SRPK2: variants seen among roughly 807,000 people sequenced by gnomAD.
The protein encoded by SRPK2 is SRSF protein kinase 2.
In SRPK2, 21 loss-of-function variants were observed where a neutral mutation model predicts 90.8. The observed-to-expected ratio is 0.23, with a 90% CI of 0.16 to 0.33. SRPK2 has a LOEUF of 0.33. SRPK2 is among the 10% of genes least tolerant of loss of function. SRPK2 has a pLI of 1.00. For missense variants in SRPK2, 620 were observed against 869.0 expected (o/e 0.71, Z 3.60); for synonymous variants, 288 against 311.1 (o/e 0.93, Z 0.78).
At chr7:105,149,180 G>GA (rs1386552246) in intron 7 of SRPK2, among the ~76,000 whole-genome samples, 1 of 152,184 alleles carries the variant, frequency 6.6e-6, no homozygotes, top group African/African-American at 2.4e-5. Context: ...CCTGGGAACT[G>GA]AATGTCTCGG....
chr7:105,243,366 G>A (rs1047909969), intron 2 of SRPK2, among the ~76,000 whole-genome samples: 3 of 152,280 alleles, frequency 2.0e-5, no homozygotes, highest in African/African-American at 7.2e-5. Flanking sequence ...AGGAGCCTGA[G>A]ATAGGATCAA....
intron 7 of SRPK2, among the ~76,000 whole-genome samples, chr7:105,156,957 C>T (rs1031540299): frequency 2.0e-5 from 3 of 152,242 alleles, no homozygotes; most frequent in African/African-American, 7.2e-5. Flanking sequence ...AGGCCAAGAA[C>T]ATAAAGCTTC....
intron 3 of SRPK2, 47 bp from the exon 4 acceptor site, chr7:105,169,312 T>C (rs1423823277): frequency 1.4e-6 from 2 of 1,410,478 alleles, no homozygotes; most frequent in Admixed American, 1.7e-5. Context: ...ATTCGAAAAG[T>C]AGTAATAAAC....
chr7:105,270,723 T>G (rs1805725574), intron 2 of SRPK2, among the ~76,000 whole-genome samples: 2 of 152,088 alleles, frequency 1.3e-5, no homozygotes, highest in Non-Finnish European at 2.9e-5. Context: ...CTGCCATTTT[T>G]AATAGCTGTA....
chr7:105,276,609 T>C (rs1806529481), intron 2 of SRPK2, among the ~76,000 whole-genome samples: 1 of 150,768 alleles, frequency 6.6e-6, no homozygotes, highest in South Asian at 2.1e-4. Flanking sequence ...CATGGTGACA[T>C]GCACGTGTGG....
At chr7:105,159,464 A>AAAAAAAAAACAC (rs1807174541) in intron 7 of SRPK2, among the ~76,000 whole-genome samples, 12 of 141,580 alleles carry the variant, frequency 8.5e-5, no homozygotes, top group African/African-American at 3.2e-4. Flanking sequence ...AAAAAAAAAA[A>AAAAAAAAAACAC]AAAAAAAAAC....
intron 2 of SRPK2, among the ~76,000 whole-genome samples, chr7:105,264,945 C>T (rs775129443): frequency 4.6e-5 from 7 of 152,154 alleles, no homozygotes; most frequent in Non-Finnish European, 7.3e-5. Flanking sequence ...ACTTTCTTTA[C>T]TGATTAAGAA....
intron 7 of SRPK2, among the ~76,000 whole-genome samples, chr7:105,151,892 T>C (rs2283016): frequency 0.82 from 124,606 of 151,776 alleles, 51,845 homozygotes; most frequent in Non-Finnish European, 0.88. Flanking sequence ...GGCATGGTGG[T>C]GCATGCCTGT....
At chr7:105,330,532 C>A (rs1397786837) in intron 2 of SRPK2, among the ~76,000 whole-genome samples, 3 of 152,096 alleles carry the variant, frequency 2.0e-5, no homozygotes, top group African/African-American at 4.8e-5. Flanking sequence ...CGCCTTAATA[C>A]TGACATGACT....
At chr7:105,183,003 C>T (rs1420082050) in intron 3 of SRPK2, among the ~76,000 whole-genome samples, 1 of 152,126 alleles carries the variant, frequency 6.6e-6, no homozygotes, top group Non-Finnish European at 1.5e-5. Context: ...AAAGACTGAG[C>T]TGTGATAGTA....
intron 3 of SRPK2, among the ~76,000 whole-genome samples, chr7:105,192,049 GCT>G (rs1491588037): frequency 1.0e-4 from 2 of 19,348 alleles, no homozygotes; most frequent in Non-Finnish European, 1.2e-4. Flanking sequence ...TTCTGCTTCT[GCT>G]TTTTTTTTTT....
At chr7:105,390,622 T>TTTG (rs1822148832), upstream of SRPK2, among the ~76,000 whole-genome samples, 1 of 149,140 alleles carries the variant, frequency 6.7e-6, no homozygotes, top group South Asian at 2.1e-4. Context: ...TTTTTTTTTT[T>TTTG]TTTTTTTTTT....
intron 3 of SRPK2, among the ~76,000 whole-genome samples, chr7:105,175,286 AAAG>A (rs1235575502): frequency 6.6e-6 from 1 of 152,214 alleles, no homozygotes. Context: ...CCCATGGGAT[AAAG>A]AAGAAATCAA....
intron 3 of SRPK2, among the ~76,000 whole-genome samples, chr7:105,199,300 A>AT (rs113112551): frequency 2.7e-4 from 41 of 151,738 alleles, no homozygotes; most frequent in Admixed American, 3.3e-4. Context: ...TTTGTTGTTA[A>AT]TTTTTTTTTA....
At chr7:105,302,058 G>A (rs1332916196) in intron 2 of SRPK2, 1 of 1,563,504 alleles carries the variant, frequency 6.4e-7, no homozygotes, top group Admixed American at 1.7e-5. Flanking sequence ...AAGCATTTAA[G>A]CAAAACTGGC....
chr7:105,331,329 AAAAAAAAAC>A lies in SRPK2; in HGVS notation c.71+57310_71+57318del, dbSNP rs1391383274. ...GTCTCAAAAAAAAAAAAAAAAAAAA[AAAAAAAAAC>A]AAATAGTTATTACACAATTAATCTG... On this transcript the variant is annotated intron_variant, in intron 2 of 15. Transcript: ENST00000393651. Among the ~76,000 whole-genome samples, 128 of 145,430 alleles carry A rather than the reference AAAAAAAAAC, an allele frequency of 8.8e-4. 1 individual carries two copies. Among genetic ancestry groups the A allele is most frequent in the African/African-American group, 3.1e-3 (122 of 39,732 alleles).
chr7:105,141,583 C>T (rs1032292824), intron 11 of SRPK2, among the ~76,000 whole-genome samples: 1 of 152,156 alleles, frequency 6.6e-6, no homozygotes, highest in Non-Finnish European at 1.5e-5. Context: ...CAATATGACA[C>T]TTCTTTCTCA....
At position 105,143,128 on chromosome 7, in the gene SRPK2, G is replaced by C; in HGVS notation, c.1016C>G (p.Thr339Arg). The change falls in exon 10 of 16, where the codon ACA (threonine) becomes AGA (arginine). Residue 339 changes from threonine to arginine, a missense_variant. Thr to Arg is a moderately conservative substitution (Grantham distance 71). Coordinates refer to ENST00000393651, the MANE Select transcript of SRPK2 (RefSeq NM_182692.3). The stretch of plus-strand genomic sequence containing the variant: ...TGCCTCAGCCGCCTCCTCTAATCCT[G>C]TTGTTTTTAGTTTCACCTCTGGGCA... ...EYCPEVKLKT[T>R]GLEEAAEAET... is the part of the protein sequence containing the mutation. 1 of 1,614,096 alleles carries C rather than the reference G, an allele frequency of 6.2e-7. No homozygotes were observed. Among genetic ancestry groups the C allele is most frequent in the Non-Finnish European group, 8.5e-7 (1 of 1,180,014 alleles).
chr7:105,213,337 T>C (rs1023117641), intron 2 of SRPK2, among the ~76,000 whole-genome samples: 4 of 152,136 alleles, frequency 2.6e-5, no homozygotes, highest in African/African-American at 4.8e-5. Flanking sequence ...ATAAAATCTA[T>C]AGCTGAAAAG....
Sources: allele counts gnomAD v4.1 joint callset (sites outside exome capture counted in the v4.1 genomes callset), GRCh38; gene constraint gnomAD v4.1.1; transcripts MANE v1.5; gene names NCBI Gene and HGNC (gene_info 2026-07-23, HGNC 2026-07-21).